PPARA: variants seen among roughly 807,000 people sequenced by gnomAD.
PPARA encodes peroxisome proliferator-activated receptor alpha.
PPARA carries 22 observed loss-of-function variants against 42.2 expected under a neutral mutation model. That is an observed-to-expected ratio of 0.52 (90% confidence interval 0.37 to 0.74). The LOEUF (loss-of-function observed/expected upper bound fraction) is 0.74. Ranked by LOEUF, PPARA falls within the 30% of genes least tolerant of loss-of-function variation. The pLI, the probability that PPARA is intolerant of heterozygous loss-of-function variation, is 0.00. For synonymous variants in PPARA, 242 were observed against 239.3 expected, an observed-to-expected ratio of 1.01 and a Z score of -0.10; for missense variants, 465 against 608.2, an observed-to-expected ratio of 0.76 and a Z score of 2.48.
chr22:46,227,239 A>C lies in PPARA; in HGVS notation c.712-4553A>C, dbSNP rs1935530365. ...TCCAAAGCAGTTCTACCAGTGCTTC[A>C]CATTTATTTTTTATTTATTTATTTA... On this transcript the variant is annotated intron_variant, in intron 7 of 8. Coordinates refer to ENST00000407236, the MANE Select transcript of PPARA (RefSeq NM_005036.6). The surrounding 1 kb of genome is among the most constrained non-coding windows in gnomAD (Gnocchi z 4.3). Among the ~76,000 whole-genome samples, 1 of 151,954 alleles carries C rather than the reference A, an allele frequency of 6.6e-6. No homozygotes were observed. The highest frequency in any genetic ancestry group is 2.4e-5 in the African/African-American group (1 of 41,290).
chr22:46,166,684 G>A (rs537701343), intron 2 of PPARA, among the ~76,000 whole-genome samples: 24 of 151,346 alleles, frequency 1.6e-4, no homozygotes, highest in Non-Finnish European at 2.2e-4. Context: ...GATAAAATGC[G>A]CGAGGCCTGT....
intron 2 of PPARA, among the ~76,000 whole-genome samples, chr22:46,152,665 G>A (rs775581324): frequency 1.3e-5 from 2 of 152,130 alleles, no homozygotes; most frequent in Admixed American, 6.6e-5. Flanking sequence ...AGATAGACCC[G>A]TGCCAGAACA....
chr22:46,239,047 G>A lies in PPARA; in HGVS notation c.*3667G>A, dbSNP rs1193145817. 6.6e-6 allele frequency: 1 copy of A among 152,236 alleles called. No homozygotes were observed. Among genetic ancestry groups the A allele is most frequent in the African/African-American group, 2.4e-5 (1 of 41,438 alleles). 9.4% of individuals were successfully genotyped at this position (152,236 alleles called of 1,614,324 possible). On this transcript the variant is annotated 3_prime_UTR_variant, in exon 9 of 9. Coordinates refer to ENST00000407236, the MANE Select transcript of PPARA (RefSeq NM_005036.6). ...GCTATACGAACATAATGGACGTGAAGTGGGGCAGAAACCCAGAACTCAGCA... is the reference window on the plus strand; with the variant it reads ...GCTATACGAACATAATGGACGTGAAATGGGGCAGAAACCCAGAACTCAGCA...
Position 46,184,728 on chromosome 22 carries a change from G to C in PPARA, c.-43+7892G>C, listed in dbSNP as rs145845281. Among the ~76,000 whole-genome samples, 2 of 152,158 alleles carry C rather than the reference G, an allele frequency of 1.3e-5. No individual in the cohort carries two copies. Among genetic ancestry groups the C allele is most frequent in the African/African-American group, 4.8e-5 (2 of 41,434 alleles). The stretch of plus-strand genomic sequence containing the variant: ...AAATTAGCCAGGCGTGGTGGCGCAC[G>C]CCTGTAGTACCAGCTATTCGGGAGG... On this transcript the variant is annotated intron_variant, in intron 3 of 8. Transcript: ENST00000407236. The surrounding 1 kb of genome is among the most constrained non-coding windows in gnomAD (Gnocchi z 4.4).
At chr22:46,213,484 T>G (rs1934134988) in intron 4 of PPARA, among the ~76,000 whole-genome samples, 1 of 150,550 alleles carries the variant, frequency 6.6e-6, no homozygotes, top group Non-Finnish European at 1.5e-5. Flanking sequence ...CTCAGCTCAC[T>G]ACAACCTTTG....
intron 2 of PPARA, among the ~76,000 whole-genome samples, chr22:46,175,322 A>G (rs1314123959): frequency 6.6e-6 from 1 of 152,196 alleles, no homozygotes; most frequent in Admixed American, 6.5e-5. Flanking sequence ...ATCAGTGGTC[A>G]TGGTGCCTTT....
intron 2 of PPARA, among the ~76,000 whole-genome samples, chr22:46,159,416 T>C (rs143205701): frequency 1.3e-5 from 2 of 152,162 alleles, no homozygotes; most frequent in Non-Finnish European, 2.9e-5. Context: ...TTGTCGTTTT[T>C]TTCCCCCCAC....
intron 3 of PPARA, among the ~76,000 whole-genome samples, chr22:46,185,919 ATATATATATATATAT>A (rs1930689545): frequency 2.0e-4 from 2 of 9,776 alleles, no homozygotes; most frequent in African/African-American, 3.8e-4. Context: ...AAAAAAAAAT[ATATATATATATATAT>A]ATATATATAT....
rs2147196059 is a variant in PPARA, at chr22:46,171,821, C to T, written c.-126-4932C>T. Reference sequence around the variant, plus strand: ...TCTGGTTTGTGTTGTGTGTGAAAGGCCATGGGATGGGGACCAGCGAGGGCT... The same window carrying T: ...TCTGGTTTGTGTTGTGTGTGAAAGGTCATGGGATGGGGACCAGCGAGGGCT... On this transcript the variant is annotated intron_variant, in intron 2 of 8. Coordinates refer to ENST00000407236, the MANE Select transcript of PPARA (RefSeq NM_005036.6). This position sits in a 1 kb window ranked among gnomAD's most constrained non-coding sequence, Gnocchi z 5.0. Among the ~76,000 whole-genome samples, 1 of 152,186 alleles carries T rather than the reference C, an allele frequency of 6.6e-6. No homozygotes were observed. The highest frequency in any genetic ancestry group is 1.5e-5 in the Non-Finnish European group (1 of 68,000).
intron 4 of PPARA, among the ~76,000 whole-genome samples, chr22:46,210,257 C>T (rs1463780357): frequency 7.7e-5 from 11 of 142,132 alleles, no homozygotes; most frequent in East Asian, 4.2e-4. Context: ...TGTGGTGAGC[C>T]GAGATCACAC....
At chr22:46,226,717 T>C (rs1384616138) in intron 7 of PPARA, among the ~76,000 whole-genome samples, 3 of 152,048 alleles carry the variant, frequency 2.0e-5, no homozygotes, top group Non-Finnish European at 4.4e-5. Flanking sequence ...ACCTCCTCTA[T>C]GAAAAGTTAG....
rs1221342140 is a variant in PPARA, at chr22:46,191,331, G to A, written c.-42-7011G>A. ...GCCCACAGTGGAGGGGTTTCCCTTCGGTCTCCTTTTATTCCAAGCAAGTGG... is the reference window on the plus strand; with the variant it reads ...GCCCACAGTGGAGGGGTTTCCCTTCAGTCTCCTTTTATTCCAAGCAAGTGG... On this transcript the variant is annotated intron_variant, in intron 3 of 8. Transcript: ENST00000407236. The surrounding 1 kb of genome is among the most constrained non-coding windows in gnomAD (Gnocchi z 4.6). 2.0e-5 allele frequency among the ~76,000 whole-genome samples: 3 copies of A among 152,138 alleles called. No individual in the cohort carries two copies. Among genetic ancestry groups the A allele is most frequent in the African/African-American group, 7.2e-5 (3 of 41,436 alleles).
intron 4 of PPARA, 118 bp downstream of exon 4, chr22:46,198,709 G>A: frequency 2.9e-6 from 3 of 1,030,012 alleles, no homozygotes; most frequent in African/African-American, 1.7e-5. Flanking sequence ...CGCCCAGGCT[G>A]GAGTGCAATG....
chr22:46,198,745 C>G (rs1217443851), intron 4 of PPARA, among the ~76,000 whole-genome samples, 154 bp downstream of exon 4: 1 of 149,848 alleles, frequency 6.7e-6, no homozygotes, highest in Non-Finnish European at 1.5e-5. Context: ...ACTGCAGGCT[C>G]CACCTCCTGG....
At position 46,225,237 on chromosome 22, in the gene PPARA, A is replaced by T. The variant is rs1380213714; in HGVS notation, c.711+5223A>T. Reference sequence around the variant, plus strand: ...GAGATTTCAGAACCGTGGGCCAGAAAATGGTCAGGGCCCTTGGTGATGGGG... The same window carrying T: ...GAGATTTCAGAACCGTGGGCCAGAATATGGTCAGGGCCCTTGGTGATGGGG... On this transcript the variant is annotated intron_variant, in intron 7 of 8. Coordinates refer to ENST00000407236, the MANE Select transcript of PPARA (RefSeq NM_005036.6). This position sits in a 1 kb window ranked among gnomAD's most constrained non-coding sequence, Gnocchi z 4.1. 2.0e-5 allele frequency among the ~76,000 whole-genome samples: 3 copies of T among 152,098 alleles called. No individual in the cohort carries two copies. The highest frequency in any genetic ancestry group is 4.4e-5 in the Non-Finnish European group (3 of 68,006).
At chr22:46,205,771 T>A (rs1334287137) in intron 4 of PPARA, among the ~76,000 whole-genome samples, 1 of 151,280 alleles carries the variant, frequency 6.6e-6, no homozygotes, top group African/African-American at 2.4e-5. Flanking sequence ...TTTAAAACAT[T>A]TAGGTGCATA....
At chr22:46,228,966 G>A (rs1265367372) in intron 7 of PPARA, among the ~76,000 whole-genome samples, 1 of 151,986 alleles carries the variant, frequency 6.6e-6, no homozygotes, top group East Asian at 1.9e-4. Flanking sequence ...AATGAGCTGG[G>A]CATGGTGGCG....
chr22:46,222,739 G>T lies in PPARA; in HGVS notation c.711+2725G>T, dbSNP rs552816673. ...CCTTGGATTTCAGAATTGAAAGCAG[G>T]CTGGGCACAGTGGCTCACACTGTAA... On this transcript the variant is annotated intron_variant, in intron 7 of 8. Coordinates refer to ENST00000407236, the MANE Select transcript of PPARA (RefSeq NM_005036.6). The surrounding 1 kb of genome is among the most constrained non-coding windows in gnomAD (Gnocchi z 5.9). Among the ~76,000 whole-genome samples the T allele has an allele frequency of 4.3e-4, 66 of 152,292 alleles. 1 individual carries two copies. The highest frequency in any genetic ancestry group is 1.5e-3 in the African/African-American group (63 of 41,562).
At chr22:46,172,642 G>A (rs1202559310) in intron 2 of PPARA, among the ~76,000 whole-genome samples, 2 of 152,096 alleles carry the variant, frequency 1.3e-5, no homozygotes, top group South Asian at 2.1e-4. Flanking sequence ...CAGACTTTCC[G>A]ACCAAACGAT....
Sources: allele counts gnomAD v4.1 joint callset (sites outside exome capture counted in the v4.1 genomes callset), GRCh38; gene constraint gnomAD v4.1.1; non-coding constraint Gnocchi (gnomAD v3.1); transcripts MANE v1.5; gene names NCBI Gene and HGNC (gene_info 2026-07-23, HGNC 2026-07-21).